Variants in HACD2 observed in about 807,000 individuals in gnomAD.
The protein encoded by HACD2 is very-long-chain (3R)-3-hydroxyacyl-CoA dehydratase 2.
In HACD2, 15 loss-of-function variants were observed where a neutral mutation model predicts 31.0. That is an observed-to-expected ratio of 0.48 (90% CI 0.32 to 0.75). HACD2 has a LOEUF of 0.75. Among genes scored for constraint, HACD2 ranks in the 30% least tolerant of loss-of-function variants. The pLI is 0.03. For missense variants in HACD2, 283 were observed against 313.0 expected (o/e 0.90, Z 0.72); for synonymous variants, 115 against 122.2 (o/e 0.94, Z 0.39).
At chr3:123,500,757 C>T in intron 5 of HACD2, 64 bp from the exon 6 acceptor site, 1 of 1,067,236 alleles carries the variant, frequency 9.4e-7, no homozygotes, top group South Asian at 1.6e-5. Context: ...AGCTGCACTT[C>T]CCACCCTTCT....
chr3:123,542,146 CAAAAAAAAA>C (rs11391480), intron 3 of HACD2, among the ~76,000 whole-genome samples: 2 of 41,094 alleles, frequency 4.9e-5, no homozygotes, highest in African/African-American at 3.4e-4. Flanking sequence ...GACTCCGTCT[CAAAAAAAAA>C]AAAAAAAAAA....
intron 4 of HACD2, among the ~76,000 whole-genome samples, chr3:123,517,275 G>A (rs1487145621): frequency 6.6e-6 from 1 of 152,170 alleles, no homozygotes. Flanking sequence ...GTTAACATAT[G>A]TCTACCAACT....
intron 3 of HACD2, among the ~76,000 whole-genome samples, chr3:123,566,480 C>CCAG: frequency 6.6e-6 from 1 of 151,722 alleles, no homozygotes; most frequent in African/African-American, 2.4e-5. Flanking sequence ...GATGGGGTCT[C>CCAG]CCTGTGTTGC....
chr3:123,498,379 T>A (rs2055860672), intron 6 of HACD2, among the ~76,000 whole-genome samples: 1 of 152,260 alleles, frequency 6.6e-6, no homozygotes, highest in African/African-American at 2.4e-5. Context: ...AGCAGACTTC[T>A]GTTGGGAGGA....
intron 4 of HACD2, among the ~76,000 whole-genome samples, chr3:123,520,907 G>T (rs969447617): frequency 6.6e-6 from 1 of 152,034 alleles, no homozygotes; most frequent in Non-Finnish European, 1.5e-5. Flanking sequence ...TGCTTATTTG[G>T]AGAACTACTA....
chr3:123,543,807 C>T (rs1559920134), intron 3 of HACD2: 1 of 200,532 alleles, frequency 5.0e-6, no homozygotes, highest in African/African-American at 2.4e-5. Context: ...GGATTTTTTT[C>T]TTTTCATTAA....
chr3:123,510,316 C>T (rs991968453), intron 4 of HACD2, among the ~76,000 whole-genome samples: 2 of 152,290 alleles, frequency 1.3e-5, no homozygotes, highest in Non-Finnish European at 1.5e-5. Flanking sequence ...GGTCCAATCT[C>T]GGCTCACTGA....
chr3:123,561,876 A>G (rs1199497740), intron 3 of HACD2, among the ~76,000 whole-genome samples: 1 of 152,030 alleles, frequency 6.6e-6, no homozygotes, highest in Non-Finnish European at 1.5e-5. Flanking sequence ...CAGAGGCACA[A>G]TTTCGGCTCA....
chr3:123,556,306 G>C (rs2056672005), intron 3 of HACD2, among the ~76,000 whole-genome samples: 1 of 151,748 alleles, frequency 6.6e-6, no homozygotes, highest in Admixed American at 6.6e-5. Context: ...GTGTGGTGGT[G>C]CACGCCTGTA....
intron 4 of HACD2, among the ~76,000 whole-genome samples, chr3:123,518,508 T>G (rs1392303218): frequency 6.6e-6 from 1 of 152,172 alleles, no homozygotes; most frequent in Non-Finnish European, 1.5e-5. Flanking sequence ...AACTCTAAAG[T>G]TTTAAAAACT....
At chr3:123,534,871 A>G (rs1448648705) in intron 3 of HACD2, among the ~76,000 whole-genome samples, 1 of 151,876 alleles carries the variant, frequency 6.6e-6, no homozygotes, top group Non-Finnish European at 1.5e-5. Context: ...AATAGGAGAA[A>G]GCTTATAGAA....
intron 2 of HACD2, among the ~76,000 whole-genome samples, chr3:123,576,990 A>T (rs1171459704): frequency 6.6e-6 from 1 of 152,200 alleles, no homozygotes; most frequent in African/African-American, 2.4e-5. Context: ...TTAGAAGACT[A>T]ACAAAAGCTG....
intron 2 of HACD2, among the ~76,000 whole-genome samples, chr3:123,580,982 C>T (rs1026334479): frequency 6.6e-6 from 1 of 151,712 alleles, no homozygotes; most frequent in African/African-American, 2.4e-5. Context: ...CCACCACACC[C>T]GGCTAATTTT....
intron 3 of HACD2, among the ~76,000 whole-genome samples, chr3:123,532,942 T>C (rs916286511): frequency 4.6e-5 from 7 of 151,344 alleles, no homozygotes; most frequent in African/African-American, 1.5e-4. Flanking sequence ...TCAAAGCCTC[T>C]CATACAGGTA....
At chr3:123,516,042 G>A (rs941741507) in intron 4 of HACD2, among the ~76,000 whole-genome samples, 27 of 152,086 alleles carry the variant, frequency 1.8e-4, no homozygotes, top group Non-Finnish European at 3.1e-4. Flanking sequence ...TTACAGGCAT[G>A]AGCCACCGCG....
intron 3 of HACD2, among the ~76,000 whole-genome samples, chr3:123,550,222 T>C (rs1260240575): frequency 6.6e-6 from 1 of 152,146 alleles, no homozygotes; most frequent in African/African-American, 2.4e-5. Context: ...ATGGCCAGCC[T>C]CAAGCTGTCC....
intron 5 of HACD2, among the ~76,000 whole-genome samples, chr3:123,501,247 G>T (rs2107680386): frequency 6.6e-6 from 1 of 152,232 alleles, no homozygotes; most frequent in Middle Eastern, 3.4e-3. Flanking sequence ...ATTCATAATA[G>T]CTTTTGGTTA....
At chr3:123,555,568 TAAAAG>T (rs1040890456) in intron 3 of HACD2, among the ~76,000 whole-genome samples, 2 of 151,988 alleles carry the variant, frequency 1.3e-5, no homozygotes, top group African/African-American at 4.8e-5. Context: ...AAAACAATGA[TAAAAG>T]AAATCAAAGA....
At chr3:123,584,601 G>C in intron 1 of HACD2, 2 of 283,198 alleles carry the variant, frequency 7.1e-6, no homozygotes, top group Non-Finnish European at 1.3e-5. Flanking sequence ...TTCCTCCCGC[G>C]GCCCTCGCGA....
Sources: gnomAD v4.1 joint callset for allele counts (sites outside exome capture counted in the v4.1 genomes callset) on GRCh38, gnomAD v4.1.1 for gene constraint, MANE v1.5 for transcripts, NCBI Gene and HGNC (gene_info 2026-07-23, HGNC 2026-07-21) for gene names.